The following TAOK3 variants were observed in gnomAD, a reference collection of about 807,000 sequenced individuals.
TAOK3 encodes TAO kinase 3.
Under a neutral mutation model 120.4 loss-of-function variants are expected in TAOK3, and 40 were observed. That is an observed-to-expected ratio of 0.33 (90% confidence interval 0.26 to 0.43). TAOK3 has a LOEUF of 0.43. Among genes scored for constraint, TAOK3 ranks in the 20% least tolerant of loss-of-function variants. The pLI is 1.00. For missense variants in TAOK3, 821 were observed against 1,112.1 expected (o/e 0.74, Z 3.72); for synonymous variants, 355 against 387.5 (o/e 0.92, Z 0.99).
chr12:118,161,726 T>C lies in TAOK3; in HGVS notation c.2139+62A>G. The C allele has an allele frequency of 1.9e-6, 3 of 1,590,270 alleles. No individual in the cohort carries two copies. Among genetic ancestry groups the C allele is most frequent in the Non-Finnish European group, 8.6e-7 (1 of 1,165,362 alleles). ...TTCTGAAAAGTTGCTCAGGTGACTC[T>C]GACACTTCAGGTAGAGAAACCACTG... On this transcript the variant is annotated intron_variant, in intron 18 of 20. Transcript: ENST00000392533. The surrounding 1 kb of genome is among the most constrained non-coding windows in gnomAD (Gnocchi z 4.5).
chr12:118,234,526 G>A (rs1157707700), intron 8 of TAOK3, among the ~76,000 whole-genome samples: 1 of 152,122 alleles, frequency 6.6e-6, no homozygotes, highest in African/African-American at 2.4e-5. Flanking sequence ...TTACTGGCGT[G>A]AGCCACCGCG....
chr12:118,370,054 T>C lies in TAOK3; in HGVS notation c.-194+2594A>G, dbSNP rs558892960. 1.6e-4 allele frequency among the ~76,000 whole-genome samples: 24 copies of C among 152,304 alleles called. No individual in the cohort carries two copies. In the South Asian group the frequency reaches 3.7e-3, roughly 24 times the overall value. On this transcript the variant is annotated intron_variant, in intron 1 of 20. Transcript: ENST00000392533. ...CACGGCCATCTAATTTTTTGTATTC[T>C]AGTAGAGACGGGGTTTCATCATGTT...
chr12:118,337,252 A>G (rs556444063), intron 1 of TAOK3, among the ~76,000 whole-genome samples: 1 of 152,346 alleles, frequency 6.6e-6, no homozygotes, highest in Non-Finnish European at 1.5e-5. Context: ...AAAAATAATG[A>G]CAACACCAAA....
rs200574235 is a variant in TAOK3, at chr12:118,189,842, T to C, written c.1294A>G (p.Arg432Gly). ...VQSQALHYRN[R>G]ERFATIKSAS... ...GATTTGATCGTGGCAAAGCGCTCTC[T>C]GTTCCGGTAGTGGAGGGCCTGGCTC... Residue 432 changes from arginine (R) to glycine (G), a missense_variant, in exon 14 of 21, where the codon AGA (arginine) becomes GGA (glycine). Arg to Gly is a moderately radical substitution (Grantham distance 125). Transcript: ENST00000392533. The C allele has an allele frequency of 6.2e-7, 1 of 1,614,216 alleles. No homozygotes were observed. Among genetic ancestry groups the C allele is most frequent in the East Asian group, 2.2e-5 (1 of 44,882 alleles).
rs2045220028 is a variant in TAOK3, at chr12:118,352,537, T to C, written c.-194+20111A>G. On this transcript the variant is annotated intron_variant, in intron 1 of 20. Coordinates refer to ENST00000392533, the MANE Select transcript of TAOK3 (RefSeq NM_016281.4). ...AAAAAATCATATATATACACATATATATACACACATATATAGTTTCTCATA... is the reference window on the plus strand; with the variant it reads ...AAAAAATCATATATATACACATATACATACACACATATATAGTTTCTCATA... Among the ~76,000 whole-genome samples the C allele has an allele frequency of 5.3e-5, 8 of 151,904 alleles. 1 individual carries two copies. The highest frequency in any genetic ancestry group is 5.2e-4 in the Admixed American group (8 of 15,258).
chr12:118,351,684 G>A (rs994508516), intron 1 of TAOK3, among the ~76,000 whole-genome samples: 8 of 151,854 alleles, frequency 5.3e-5, no homozygotes, highest in African/African-American at 1.7e-4. Context: ...ATCTTTAAGC[G>A]TCTGAATATA....
Position 118,194,148 on chromosome 12 carries a change from G to T in TAOK3, c.1195-4207C>A, listed in dbSNP as rs2037578160. 2.0e-5 allele frequency among the ~76,000 whole-genome samples: 3 copies of T among 152,174 alleles called. No individual in the cohort carries two copies. The South Asian group carries it at 6.2e-4, about 32-fold the overall frequency. On this transcript the variant is annotated intron_variant, in intron 13 of 20. Transcript: ENST00000392533. Reference sequence around the variant, plus strand: ...CATAAGCACACCTTTACACAGCGGGGTGCGGGGGGATGTATCTAAAAATGG... The same window carrying T: ...CATAAGCACACCTTTACACAGCGGGTTGCGGGGGGATGTATCTAAAAATGG...
chr12:118,254,724 G>A (rs567340609), intron 3 of TAOK3, among the ~76,000 whole-genome samples: 2 of 152,008 alleles, frequency 1.3e-5, no homozygotes, highest in South Asian at 2.1e-4. Flanking sequence ...AGCATACAGT[G>A]GAAATGCACA....
rs932460114 is a variant in TAOK3 at position 118,165,430 on chromosome 12, C to G, written c.1900-3403G>C. On this transcript the variant is annotated intron_variant, in intron 17 of 20. Transcript: ENST00000392533. Reference sequence around the variant, plus strand: ...CACAAAGCAAAACACACAAAGCAAGCAAACACCTTCAGAAGAAATCAAGTG... The same window carrying G: ...CACAAAGCAAAACACACAAAGCAAGGAAACACCTTCAGAAGAAATCAAGTG... Among the ~76,000 whole-genome samples the G allele has an allele frequency of 2.0e-5, 3 of 152,216 alleles. No individual in the cohort carries two copies. The East Asian group carries it at 5.8e-4, about 29-fold the overall frequency.
chr12:118,332,463 A>C (rs2044191949), intron 1 of TAOK3, among the ~76,000 whole-genome samples: 1 of 152,150 alleles, frequency 6.6e-6, no homozygotes, highest in Non-Finnish European at 1.5e-5. Flanking sequence ...TAAAAGTACA[A>C]CTACAGAAAT....
At chr12:118,361,224 C>T (rs1223726667) in intron 1 of TAOK3, among the ~76,000 whole-genome samples, 1 of 152,130 alleles carries the variant, frequency 6.6e-6, no homozygotes, top group Non-Finnish European at 1.5e-5. Context: ...GCCATGTCAT[C>T]AAGCTTCCAC....
chr12:118,363,742 G>C (rs1045605302), intron 1 of TAOK3, among the ~76,000 whole-genome samples: 1 of 151,340 alleles, frequency 6.6e-6, no homozygotes, highest in Admixed American at 6.6e-5. Context: ...GTGTGTGTGT[G>C]TGTGTGTGTG....
At chr12:118,190,215 G>T (rs2037357225) in intron 13 of TAOK3, 1 of 389,498 alleles carries the variant, frequency 2.6e-6, no homozygotes. Flanking sequence ...AAGAAAAAAA[G>T]AATAGAAAAA....
At chr12:118,258,469 T>C (rs571074098) in intron 2 of TAOK3, among the ~76,000 whole-genome samples, 1 of 152,158 alleles carries the variant, frequency 6.6e-6, no homozygotes, top group Non-Finnish European at 1.5e-5. Context: ...ATCCCAGTAC[T>C]TTGGGAGGCC....
chr12:118,279,836 G>C (rs139371139), intron 1 of TAOK3, among the ~76,000 whole-genome samples: 1 of 148,678 alleles, frequency 6.7e-6, no homozygotes, highest in Admixed American at 6.8e-5. Flanking sequence ...TTTGATCTCC[G>C]CTTACTGCAA....
intron 1 of TAOK3, among the ~76,000 whole-genome samples, chr12:118,273,093 A>ATG (rs896420275): frequency 5.3e-5 from 8 of 152,182 alleles, no homozygotes; most frequent in African/African-American, 1.9e-4. Context: ...TTTAAATTTA[A>ATG]TGTAAGATTG....
intron 3 of TAOK3, among the ~76,000 whole-genome samples, chr12:118,254,826 T>C (rs948914683): frequency 2.6e-5 from 4 of 152,100 alleles, no homozygotes; most frequent in Non-Finnish European, 4.4e-5. Flanking sequence ...GGCACAATCT[T>C]GGCTCACTGC....
intron 1 of TAOK3, among the ~76,000 whole-genome samples, chr12:118,325,971 C>A (rs1432948586): frequency 6.6e-6 from 1 of 152,178 alleles, no homozygotes; most frequent in Non-Finnish European, 1.5e-5. Flanking sequence ...TGAGCCACAG[C>A]ACCCAGCCTG....
intron 1 of TAOK3, among the ~76,000 whole-genome samples, chr12:118,299,190 A>AT (rs2140660421): frequency 6.6e-6 from 1 of 152,312 alleles, no homozygotes; most frequent in Non-Finnish European, 1.5e-5. Flanking sequence ...AAAAGTTAAA[A>AT]TGTAGGATCC....
Sources: allele counts gnomAD v4.1 joint callset (sites outside exome capture counted in the v4.1 genomes callset), GRCh38; gene constraint gnomAD v4.1.1; non-coding constraint Gnocchi (gnomAD v3.1); transcripts MANE v1.5; gene names NCBI Gene and HGNC (gene_info 2026-07-23, HGNC 2026-07-21).